The following GRIP1 variants were observed in gnomAD, a reference collection of about 807,000 sequenced individuals.
GRIP1 encodes the protein glutamate receptor interacting protein 1.
GRIP1 carries 45 observed loss-of-function variants against 129.9 expected under a neutral mutation model. That is an observed-to-expected ratio of 0.35 (90% CI 0.27 to 0.44). GRIP1 has a LOEUF of 0.44. GRIP1 is among the 20% of genes least tolerant of loss of function. The pLI, the probability that GRIP1 is intolerant of heterozygous loss-of-function variation, is 1.00. For missense variants in GRIP1, 1,196 were observed against 1,396.8 expected, an observed-to-expected ratio of 0.86 and a Z score of 2.29; for synonymous variants, 530 against 520.8, an observed-to-expected ratio of 1.02 and a Z score of -0.24.
chr12:66,476,430 C>G (rs1437312102), intron 7 of GRIP1, among the ~76,000 whole-genome samples: 3 of 152,134 alleles, frequency 2.0e-5, no homozygotes, highest in African/African-American at 7.2e-5. Context: ...CGAATTCTAC[C>G]AGAGGTACAA....
intron 7 of GRIP1, among the ~76,000 whole-genome samples, chr12:66,496,705 TG>T (rs1214257489): frequency 6.6e-6 from 1 of 152,182 alleles, no homozygotes; most frequent in Non-Finnish European, 1.5e-5. Flanking sequence ...AGTCATCTCT[TG>T]GTATGGGCCA....
intron 19 of GRIP1, among the ~76,000 whole-genome samples, chr12:66,382,128 G>A (rs1446415971): frequency 6.6e-6 from 1 of 152,180 alleles, no homozygotes. Flanking sequence ...TACTTGGGGG[G>A]CTGAGGCAAG....
chr12:66,911,799 C>A (rs1377132289), intron 1 of GRIP1, among the ~76,000 whole-genome samples: 1 of 152,058 alleles, frequency 6.6e-6, no homozygotes, highest in Non-Finnish European at 1.5e-5. Context: ...TTGGCATGTT[C>A]AATGTGTCAT....
chr12:66,644,451 G>A (rs1425179078), intron 1 of GRIP1, among the ~76,000 whole-genome samples: 1 of 152,016 alleles, frequency 6.6e-6, no homozygotes, highest in Admixed American at 6.5e-5. Flanking sequence ...TCTTCTCTGT[G>A]GATTCAAAAG....
chr12:66,582,974 G>C (rs1402778944), intron 2 of GRIP1, among the ~76,000 whole-genome samples: 1 of 151,214 alleles, frequency 6.6e-6, no homozygotes, highest in Admixed American at 6.6e-5. Flanking sequence ...AAAGAACAAA[G>C]CTGGAGGCAT....
chr12:66,455,494 C>T lies in GRIP1; in HGVS notation c.1269G>A (p.Gly423=), dbSNP rs539858835. The T allele has an allele frequency of 1.2e-5, 19 of 1,611,778 alleles. No homozygotes were observed. The East Asian group carries it at 4.0e-4, about 34-fold the overall frequency. Residue 423 remains glycine (G), a synonymous_variant, in exon 11 of 25, where the codon GGG becomes GGA. Transcript: ENST00000359742. ...TGGAGTAGAGGCTTCGAGGTAGAGT[C>T]CCCATGTTCAGGGAACTCAGGCTGT... ...SAYSLSSLNM[G]TLPRSLYSTS...
chr12:66,489,458 A>T (rs2060046726), intron 7 of GRIP1, among the ~76,000 whole-genome samples: 1 of 152,174 alleles, frequency 6.6e-6, no homozygotes, highest in South Asian at 2.1e-4. Context: ...TATTGAAAGA[A>T]TATACATCAA....
chr12:66,557,368 T>A (rs948340395), intron 2 of GRIP1, among the ~76,000 whole-genome samples: 1 of 152,102 alleles, frequency 6.6e-6, no homozygotes, highest in Non-Finnish European at 1.5e-5. Context: ...TAGAACTCAA[T>A]ACAATAATAG....
rs117869853 is a variant in GRIP1, at chr12:66,653,334, C to T, written c.55+25516G>A. On this transcript the variant is annotated intron_variant, in intron 1 of 24. Transcript: ENST00000359742. The stretch of plus-strand genomic sequence containing the variant: ...CCAGGGCCTTTATAAACATTAGGTG[C>T]CCCTGTAAGCTGAACAGCTCACATT... Among the ~76,000 whole-genome samples, 636 of 152,272 alleles carry T rather than the reference C, an allele frequency of 4.2e-3. 4 individuals are homozygous for T. The highest frequency in any genetic ancestry group is 7.3e-3 in the Non-Finnish European group (494 of 68,022).
intron 3 of GRIP1, among the ~76,000 whole-genome samples, chr12:66,539,525 T>A (rs1592513460): frequency 7.6e-6 from 1 of 131,660 alleles, no homozygotes. Flanking sequence ...AAAAGCACCA[T>A]AAAACAAAAT....
At position 66,581,605 on chromosome 12, in the gene GRIP1, C is replaced by T. The variant is rs561695133; in HGVS notation, c.136+15242G>A. 8.3e-3 allele frequency among the ~76,000 whole-genome samples: 1,245 copies of T among 150,834 alleles called. 7 individuals are homozygous for T. The highest frequency in any genetic ancestry group is 0.017 in the South Asian group (81 of 4,720). On this transcript the variant is annotated intron_variant, in intron 2 of 24. Coordinates refer to ENST00000359742, the MANE Select transcript of GRIP1 (RefSeq NM_001366722.1). ...CTGATCCCACAGAAATACAAACTAC[C>T]ATCAGAGAATACTACAAACACCTCT...
intron 20 of GRIP1, 44 bp downstream of exon 20, chr12:66,379,236 C>G (rs1329964194): frequency 1.9e-6 from 3 of 1,583,984 alleles, no homozygotes; most frequent in Admixed American, 3.3e-5. Context: ...CCCACATGAC[C>G]ATGCAGTCAT....
chr12:66,369,497 C>G (rs1167673487), intron 23 of GRIP1, among the ~76,000 whole-genome samples: 1 of 152,054 alleles, frequency 6.6e-6, no homozygotes, highest in African/African-American at 2.4e-5. Flanking sequence ...TATCAATAAT[C>G]TTCTTCCTTG....
At chr12:66,744,944 G>A (rs1224598771) in intron 1 of GRIP1, among the ~76,000 whole-genome samples, 1 of 152,100 alleles carries the variant, frequency 6.6e-6, no homozygotes, top group Admixed American at 6.6e-5. Context: ...TTTGGCTTCT[G>A]GTTTTAACAA....
intron 1 of GRIP1, among the ~76,000 whole-genome samples, chr12:66,749,762 A>G (rs2037067119): frequency 1.3e-5 from 2 of 152,154 alleles, no homozygotes; most frequent in African/African-American, 4.8e-5. Flanking sequence ...CCTGCTGGCC[A>G]AAATGCAGAT....
intron 24 of GRIP1, among the ~76,000 whole-genome samples, chr12:66,353,046 G>A (rs1454612706): frequency 2.6e-5 from 4 of 152,170 alleles, no homozygotes; most frequent in Non-Finnish European, 5.9e-5. Context: ...TGTAGGTCAT[G>A]TAGAAGACAA....
chr12:66,664,286 C>G (rs1219141858), intron 1 of GRIP1, among the ~76,000 whole-genome samples: 2 of 152,264 alleles, frequency 1.3e-5, no homozygotes, highest in East Asian at 1.9e-4. Context: ...TACTTCCCTG[C>G]ATTATGACAT....
At chr12:66,361,354 C>G (rs779921561) in intron 23 of GRIP1, among the ~76,000 whole-genome samples, 1 of 152,126 alleles carries the variant, frequency 6.6e-6, no homozygotes, top group Non-Finnish European at 1.5e-5. Flanking sequence ...GAATCAGTAG[C>G]TGGGATTTTG....
chr12:66,600,943 AG>A (rs2064249296), intron 1 of GRIP1, among the ~76,000 whole-genome samples: 1 of 152,214 alleles, frequency 6.6e-6, no homozygotes, highest in Admixed American at 6.5e-5. Context: ...CTTAGCAGCT[AG>A]GTAATCACCG....
Sources: gnomAD v4.1 joint callset for allele counts (sites outside exome capture counted in the v4.1 genomes callset) on GRCh38, gnomAD v4.1.1 for gene constraint, MANE v1.5 for transcripts, NCBI Gene and HGNC (gene_info 2026-07-23, HGNC 2026-07-21) for gene names.